SH3RF3: variants seen among roughly 807,000 people sequenced by gnomAD.
The protein encoded by SH3RF3 is SH3 domain containing ring finger 3, also known as E3 ubiquitin-protein ligase SH3RF3.
SH3RF3 carries 29 observed loss-of-function variants against 66.3 expected under a neutral mutation model. That is an observed-to-expected ratio of 0.44 (90% CI 0.33 to 0.60). The LOEUF (loss-of-function observed/expected upper bound fraction) is 0.60, where lower values mean the gene tolerates loss of function less well. Among genes scored for constraint, SH3RF3 ranks in the 20% least tolerant of loss-of-function variants. SH3RF3 has a pLI of 0.04. For synonymous variants in SH3RF3, 583 were observed against 532.0 expected (o/e 1.10, Z -1.32); for missense variants, 1,194 against 1,190.9 (o/e 1.00, Z -0.04).
intron 1 of SH3RF3, among the ~76,000 whole-genome samples, chr2:109,157,174 A>C (rs955981956): frequency 6.6e-6 from 1 of 152,156 alleles, no homozygotes; most frequent in Non-Finnish European, 1.5e-5. Flanking sequence ...GAATGTTATC[A>C]GAGGGGATCA....
intron 3 of SH3RF3, among the ~76,000 whole-genome samples, chr2:109,396,288 C>T (rs1241955088): frequency 6.6e-6 from 1 of 152,252 alleles, no homozygotes; most frequent in African/African-American, 2.4e-5. Flanking sequence ...TAGAGCAAAA[C>T]AGCTGAGCCT....
intron 1 of SH3RF3, among the ~76,000 whole-genome samples, chr2:109,156,449 GTT>G (rs113467046): frequency 6.9e-6 from 1 of 145,206 alleles, no homozygotes; most frequent in Admixed American, 6.9e-5. Context: ...GAATTTTAAG[GTT>G]TTTTTTTTTT....
At chr2:109,346,686 C>T (rs576545320) in intron 1 of SH3RF3, among the ~76,000 whole-genome samples, 4 of 152,120 alleles carry the variant, frequency 2.6e-5, no homozygotes, top group East Asian at 3.9e-4. Context: ...CATCAGTTTC[C>T]GGATTCTTTG....
chr2:109,427,547 TTCCA>T (rs1477214277), intron 5 of SH3RF3, among the ~76,000 whole-genome samples: 7 of 152,080 alleles, frequency 4.6e-5, no homozygotes, highest in Non-Finnish European at 8.8e-5. Context: ...CTCTAACAAG[TTCCA>T]GGTGAGGCCA....
chr2:109,494,311 A>G (rs2104394523), intron 9 of SH3RF3, among the ~76,000 whole-genome samples: 1 of 152,258 alleles, frequency 6.6e-6, no homozygotes, highest in African/African-American at 2.4e-5. Flanking sequence ...CCTTGCACCC[A>G]AGCACTCTGT....
intron 1 of SH3RF3, among the ~76,000 whole-genome samples, chr2:109,285,131 G>A (rs968855030): frequency 8.7e-4 from 133 of 152,366 alleles, no homozygotes; most frequent in Non-Finnish European, 3.2e-4. Context: ...AGGGTCTGGA[G>A]TAGGGGTGAC....
intron 1 of SH3RF3, among the ~76,000 whole-genome samples, chr2:109,210,737 G>T (rs1275733366): frequency 6.6e-6 from 1 of 152,166 alleles, no homozygotes; most frequent in African/African-American, 2.4e-5. Flanking sequence ...GTGTAGGCAG[G>T]GAGGAAAGGG....
intron 8 of SH3RF3, among the ~76,000 whole-genome samples, chr2:109,472,869 C>A (rs1350336752): frequency 6.6e-6 from 1 of 152,178 alleles, no homozygotes; most frequent in Non-Finnish European, 1.5e-5. Context: ...TCAGACATAT[C>A]CCAGGGCAGA....
intron 4 of SH3RF3, among the ~76,000 whole-genome samples, chr2:109,406,039 G>A (rs922167439): frequency 3.3e-5 from 5 of 152,212 alleles, no homozygotes; most frequent in African/African-American, 7.2e-5. Context: ...ACACAGCTGC[G>A]GGGCTCTGGC....
intron 5 of SH3RF3, among the ~76,000 whole-genome samples, chr2:109,429,273 C>G (rs921628860): frequency 1.3e-5 from 2 of 152,170 alleles, no homozygotes; most frequent in African/African-American, 4.8e-5. Flanking sequence ...ACAGACCCAG[C>G]ACATCCATCT....
At chr2:109,137,069 A>G (rs1429396213) in intron 1 of SH3RF3, among the ~76,000 whole-genome samples, 1 of 152,214 alleles carries the variant, frequency 6.6e-6, no homozygotes, top group Non-Finnish European at 1.5e-5. Flanking sequence ...CTCTATTTAT[A>G]ATGAAATGTA....
At chr2:109,333,984 A>C (rs2105499459) in intron 1 of SH3RF3, among the ~76,000 whole-genome samples, 1 of 152,302 alleles carries the variant, frequency 6.6e-6, no homozygotes, top group African/African-American at 2.4e-5. Flanking sequence ...AATGTGTTAA[A>C]TTTTTAAGGA....
intron 3 of SH3RF3, among the ~76,000 whole-genome samples, chr2:109,391,111 C>T (rs1278869340): frequency 1.3e-5 from 2 of 152,218 alleles, no homozygotes; most frequent in African/African-American, 4.8e-5. Flanking sequence ...ACCATTCGCT[C>T]CGACTCCCTC....
rs564815005 is a variant in SH3RF3 at position 109,392,046 on chromosome 2, A to G, written c.946-6544A>G. Among the ~76,000 whole-genome samples the G allele has an allele frequency of 2.0e-5, 3 of 152,136 alleles. 1 individual carries two copies. The South Asian group carries it at 6.3e-4, about 32-fold the overall frequency. On this transcript the variant is annotated intron_variant, in intron 3 of 9. Transcript: ENST00000309415. ...ACCCAGGCTGATCTCGAACTCCTGG[A>G]CTCAAGCAGTCAGCCTGCCTCGGCC... is the stretch of plus-strand genomic sequence containing the variant.
chr2:109,129,473 C>G lies in SH3RF3; in HGVS notation c.-68C>G, dbSNP rs1367274. On this transcript the variant is annotated 5_prime_UTR_variant, in exon 1 of 10. Transcript: ENST00000309415. Reference sequence around the variant, plus strand: ...GCTCCCCAGTCCTGATGCTGGCTGCCGGTGGCGGGCTCCACGCCGGCCCCG... The same window carrying G: ...GCTCCCCAGTCCTGATGCTGGCTGCGGGTGGCGGGCTCCACGCCGGCCCCG... 0.15 allele frequency: 220,073 copies of G among 1,492,742 alleles called. 25,944 individuals are homozygous for G. The highest frequency in any genetic ancestry group is 0.62 in the East Asian group (22,175 of 35,646). The allele number at this position is 1,492,742 out of a possible 1,614,324, so 92.5% of individuals were successfully genotyped here.
chr2:109,467,762 G>A (rs887047667), intron 8 of SH3RF3, among the ~76,000 whole-genome samples: 3 of 152,302 alleles, frequency 2.0e-5, no homozygotes, highest in Middle Eastern at 3.4e-3. Context: ...ATCCCACTGG[G>A]CACCTTTTGC....
At chr2:109,139,588 GA>G (rs1482028034) in intron 1 of SH3RF3, among the ~76,000 whole-genome samples, 1 of 152,166 alleles carries the variant, frequency 6.6e-6, no homozygotes, top group Non-Finnish European at 1.5e-5. Context: ...GTTCCTTATG[GA>G]ATTGGGAGTG....
At chr2:109,326,838 G>A (rs534132357) in intron 1 of SH3RF3, among the ~76,000 whole-genome samples, 6 of 152,168 alleles carry the variant, frequency 3.9e-5, no homozygotes, top group Admixed American at 6.5e-5. Flanking sequence ...GAGAGTATCC[G>A]TAGGTGCGCA....
intron 8 of SH3RF3, among the ~76,000 whole-genome samples, chr2:109,463,446 G>A (rs11674736): frequency 0.47 from 71,758 of 152,110 alleles, 18,470 homozygotes; most frequent in Non-Finnish European, 0.56. Context: ...TGTAAGGTCC[G>A]GCCTGTGGAG....
Sources: allele counts gnomAD v4.1 joint callset (sites outside exome capture counted in the v4.1 genomes callset), GRCh38; gene constraint gnomAD v4.1.1; transcripts MANE v1.5; gene names NCBI Gene and HGNC (gene_info 2026-07-23, HGNC 2026-07-21).